CACNA1C: variants seen among roughly 807,000 people sequenced by gnomAD.
The protein encoded by CACNA1C is calcium voltage-gated channel subunit alpha1 C, also known as voltage-dependent L-type calcium channel subunit alpha-1C.
CACNA1C carries 30 observed loss-of-function variants against 229.0 expected under a neutral mutation model. The observed-to-expected ratio is 0.13, with a 90% CI of 0.10 to 0.18. CACNA1C has a LOEUF of 0.18. CACNA1C is among the 10% of genes least tolerant of loss of function. CACNA1C has a pLI of 1.00. For synonymous variants in CACNA1C, 1,114 were observed against 1,132.5 expected, an observed-to-expected ratio of 0.98 and a Z score of 0.33; for missense variants, 1,658 against 2,845.0, an observed-to-expected ratio of 0.58 and a Z score of 9.49.
At chr12:2,518,405 G>C (rs1390182174) in intron 9 of CACNA1C, among the ~76,000 whole-genome samples, 1 of 152,130 alleles carries the variant, frequency 6.6e-6, no homozygotes, top group Non-Finnish European at 1.5e-5. Context: ...TCAGGAGATT[G>C]AGACCATCCT....
At chr12:2,168,377 GT>G (rs2096334661) in intron 3 of CACNA1C, among the ~76,000 whole-genome samples, 1 of 152,194 alleles carries the variant, frequency 6.6e-6, no homozygotes, top group Admixed American at 6.5e-5. Flanking sequence ...GATCATTAAT[GT>G]CTCTTATGGC....
At chr12:2,637,259 A>G (rs1364325743) in intron 30 of CACNA1C, among the ~76,000 whole-genome samples, 1 of 152,200 alleles carries the variant, frequency 6.6e-6, no homozygotes, top group Non-Finnish European at 1.5e-5. Context: ...AAGAGCATCT[A>G]TTTAAAAACT....
At chr12:2,357,278 C>T (rs2097399364) in intron 3 of CACNA1C, among the ~76,000 whole-genome samples, 1 of 152,188 alleles carries the variant, frequency 6.6e-6, no homozygotes, top group Non-Finnish European at 1.5e-5. Flanking sequence ...AGGAAGCTGG[C>T]ATCTCTGTTT....
chr12:1,979,592 G>T (rs181765241), intron 1 of CACNA1C, among the ~76,000 whole-genome samples: 1 of 152,250 alleles, frequency 6.6e-6, no homozygotes, highest in Non-Finnish European at 1.5e-5. Context: ...GATTACAGGC[G>T]TGAGCCACCG....
chr12:2,448,615 T>C (rs1463402702), intron 3 of CACNA1C, among the ~76,000 whole-genome samples: 1 of 152,202 alleles, frequency 6.6e-6, no homozygotes, highest in Non-Finnish European at 1.5e-5. Flanking sequence ...GGCCCTGACA[T>C]TGTTTCCCTT....
intron 3 of CACNA1C, among the ~76,000 whole-genome samples, chr12:2,140,137 GTCA>G (rs2094000185): frequency 6.6e-6 from 1 of 151,260 alleles, no homozygotes; most frequent in Admixed American, 6.6e-5. Context: ...GCTGTGTGTT[GTCA>G]TCATATTTTG....
intron 3 of CACNA1C, among the ~76,000 whole-genome samples, chr12:2,171,599 C>A (rs1437497044): frequency 2.6e-5 from 4 of 152,224 alleles, no homozygotes; most frequent in Admixed American, 2.6e-4. Context: ...TTTTCTCCCT[C>A]TCTTCCTTTT....
At chr12:2,457,512 G>A (rs995054750) in intron 4 of CACNA1C, 55 bp from the exon 5 acceptor site, 5 of 1,572,268 alleles carry the variant, frequency 3.2e-6, no homozygotes, top group Middle Eastern at 1.7e-4. Context: ...CAGAGCCCCA[G>A]CTGGGCAAAA....
At chr12:2,442,068 G>C (rs557831813) in intron 3 of CACNA1C, among the ~76,000 whole-genome samples, 34 of 152,324 alleles carry the variant, frequency 2.2e-4, no homozygotes, top group Admixed American at 2.1e-3. Context: ...TGTGCAGCCA[G>C]TTGGTGCCAG....
chr12:2,128,624 G>A (rs1453865198), intron 3 of CACNA1C, among the ~76,000 whole-genome samples: 4 of 152,126 alleles, frequency 2.6e-5, no homozygotes, highest in Non-Finnish European at 4.4e-5. Context: ...TGTTAGTCAG[G>A]ATGGTCTCGA....
In CACNA1C at chr12:2,457,739, T is replaced by A. The variant is rs188272006; in HGVS notation, c.757+33T>A. 33 of 1,510,606 alleles carry A rather than the reference T, an allele frequency of 2.2e-5. No homozygotes were observed. In the African/African-American group the frequency reaches 3.9e-4, roughly 18 times the overall value. The allele number at this position is 1,510,606 out of a possible 1,614,324, so 93.6% of individuals were successfully genotyped here. A position where few individuals can be genotyped will look rare whatever the true frequency, so the allele number is the denominator to read the frequency against. On this transcript the variant is annotated intron_variant, in intron 5 of 46. Transcript: ENST00000399655. ...AAGCCCGTTCTTGTGTACAGTGTTA[T>A]CTCCTCACCACCTTCTGCTGTCCTT...
intron 1 of CACNA1C, among the ~76,000 whole-genome samples, chr12:2,075,362 A>G (rs1200534894): frequency 6.6e-6 from 1 of 152,158 alleles, no homozygotes; most frequent in Non-Finnish European, 1.5e-5. Context: ...TTCCCCTCCC[A>G]TTGATGAAGT....
chr12:2,224,194 A>T (rs1481502033), intron 3 of CACNA1C, among the ~76,000 whole-genome samples: 2 of 152,130 alleles, frequency 1.3e-5, no homozygotes, highest in Non-Finnish European at 2.9e-5. Context: ...TCCACTTCTT[A>T]ATGATATCAA....
chr12:2,064,688 A>G (rs1442186237), intron 1 of CACNA1C, among the ~76,000 whole-genome samples: 1 of 152,210 alleles, frequency 6.6e-6, no homozygotes, highest in Non-Finnish European at 1.5e-5. Context: ...GTAGACAGCC[A>G]GGGGAAACAG....
chr12:2,129,197 C>T (rs886090911), intron 3 of CACNA1C, among the ~76,000 whole-genome samples: 2 of 152,188 alleles, frequency 1.3e-5, no homozygotes, highest in African/African-American at 2.4e-5. Context: ...GGATGAGACA[C>T]GTTGCAAGGC....
intron 3 of CACNA1C, among the ~76,000 whole-genome samples, chr12:2,296,178 A>C (rs2094019868): frequency 6.6e-6 from 1 of 152,164 alleles, no homozygotes; most frequent in Non-Finnish European, 1.5e-5. Context: ...ACAAATGTTT[A>C]TCCATGCTAA....
intron 3 of CACNA1C, among the ~76,000 whole-genome samples, chr12:2,276,543 A>G (rs1020515862): frequency 2.0e-5 from 3 of 152,222 alleles, no homozygotes; most frequent in African/African-American, 4.8e-5. Context: ...GAGGTCCCTT[A>G]TGCTTCTTGC....
intron 1 of CACNA1C, among the ~76,000 whole-genome samples, chr12:2,111,426 C>A (rs1246056973): frequency 6.6e-6 from 1 of 152,062 alleles, no homozygotes; most frequent in Non-Finnish European, 1.5e-5. Context: ...CAGGCTGGGG[C>A]TTCCTGCCCT....
At chr12:2,413,405 G>A (rs1037171009) in intron 3 of CACNA1C, among the ~76,000 whole-genome samples, 6 of 151,958 alleles carry the variant, frequency 3.9e-5, no homozygotes, top group African/African-American at 1.4e-4. Flanking sequence ...ATCCCCATAG[G>A]CCCCCTCCCC....
Sources: gnomAD v4.1 joint callset for allele counts (sites outside exome capture counted in the v4.1 genomes callset) on GRCh38, gnomAD v4.1.1 for gene constraint, MANE v1.5 for transcripts, NCBI Gene and HGNC (gene_info 2026-07-23, HGNC 2026-07-21) for gene names.